VPS13D: variants seen among roughly 807,000 people sequenced by gnomAD.
VPS13D encodes the protein intermembrane lipid transfer protein VPS13D.
A neutral mutation model predicts 461.9 loss-of-function variants in VPS13D; 187 were observed. The observed-to-expected ratio is 0.40, with a 90% CI of 0.36 to 0.46. The LOEUF is 0.46. Among genes scored for constraint, VPS13D ranks in the 20% least tolerant of loss-of-function variants. The pLI, the probability that VPS13D is intolerant of heterozygous loss-of-function variation, is 0.60. For missense variants in VPS13D, 4,711 were observed against 5,364.9 expected (o/e 0.88, Z 3.81); for synonymous variants, 1,951 against 1,986.3 (o/e 0.98, Z 0.47).
At chr1:12,333,165 T>C in intron 37 of VPS13D, 61 bp from the exon 38 acceptor site, 1 of 1,560,244 alleles carries the variant, frequency 6.4e-7, no homozygotes. Flanking sequence ...TTGCGAGCAG[T>C]GTTCCCCTAT....
At chr1:12,310,812 C>CTT (rs1642719764) in intron 27 of VPS13D, among the ~76,000 whole-genome samples, 1 of 130,780 alleles carries the variant, frequency 7.6e-6, no homozygotes, top group Admixed American at 7.7e-5. Context: ...TCCCTCCCTC[C>CTT]CTCCCTCCTT....
intron 12 of VPS13D, 85 bp from the exon 13 acceptor site, chr1:12,261,816 C>A: frequency 8.8e-7 from 1 of 1,138,542 alleles, no homozygotes; most frequent in African/African-American, 1.6e-5. Flanking sequence ...TAAATAACAT[C>A]ATCATAACTG....
At chr1:12,242,441 A>G (rs1640409655) in intron 2 of VPS13D, 72 bp from the exon 3 acceptor site, 7 of 1,382,206 alleles carry the variant, frequency 5.1e-6, no homozygotes, top group South Asian at 2.4e-5. Context: ...TTAACCTTCA[A>G]TGCTTTACAC....
At chr1:12,455,461 T>G (rs1645313201) in intron 65 of VPS13D, among the ~76,000 whole-genome samples, 1 of 152,244 alleles carries the variant, frequency 6.6e-6, no homozygotes, top group Non-Finnish European at 1.5e-5. Context: ...AGTAGTATTC[T>G]GGAAAGTGAA....
At chr1:12,434,626 A>G (rs1348394925) in intron 65 of VPS13D, among the ~76,000 whole-genome samples, 14 of 152,078 alleles carry the variant, frequency 9.2e-5, no homozygotes, top group Non-Finnish European at 2.1e-4. Context: ...AAACTAACTT[A>G]TTTATAGGCC....
At chr1:12,418,493 A>T (rs1251768555) in intron 65 of VPS13D, among the ~76,000 whole-genome samples, 1 of 152,224 alleles carries the variant, frequency 6.6e-6, no homozygotes, top group Non-Finnish European at 1.5e-5. Flanking sequence ...ATTCTAATTG[A>T]CATAAGAAAG....
intron 65 of VPS13D, among the ~76,000 whole-genome samples, chr1:12,434,165 A>G (rs1213872278): frequency 6.6e-6 from 1 of 152,136 alleles, no homozygotes; most frequent in African/African-American, 2.4e-5. Flanking sequence ...GGAATTACAT[A>G]TACTGTGAAA....
rs373098499 is a variant in VPS13D, at chr1:12,491,311, A to G, written c.12663-6189A>G. ...CTACTCACTTACTGATTGTTTTTGA[A>G]CATCACTTGGCTGATAGACATTGGC... On this transcript the variant is annotated intron_variant, in intron 67 of 69. Coordinates refer to ENST00000620676, the MANE Select transcript of VPS13D (RefSeq NM_015378.4). Among the ~76,000 whole-genome samples, 5 of 152,232 alleles carry G rather than the reference A, an allele frequency of 3.3e-5. 1 individual carries two copies. The East Asian group carries it at 5.8e-4, about 18-fold the overall frequency.
Position 12,433,917 on chromosome 1 carries a change from GGAGAGAGAGAGAGTGA to G in VPS13D, c.12333+17104_12333+17119del, listed in dbSNP as rs1422458537. 1.0e-3 allele frequency among the ~76,000 whole-genome samples: 146 copies of G among 143,324 alleles called. 1 individual carries two copies. The highest frequency in any genetic ancestry group is 3.6e-3 in the African/African-American group (136 of 38,148). 94.0% of individuals were successfully genotyped at this position (143,324 alleles called of 152,430 possible). The stretch of plus-strand genomic sequence containing the variant: ...ACAAAGAGGAGGAGGTAGGGGGTGG[GGAGAGAGAGAGAGTGA>G]GAGAGAGAGAGAGAGAGTGTGTGTG... On this transcript the variant is annotated intron_variant, in intron 65 of 69. Coordinates refer to ENST00000620676, the MANE Select transcript of VPS13D (RefSeq NM_015378.4).
At chr1:12,322,389 C>G (rs1024511156) in intron 33 of VPS13D, 147 bp from the exon 34 acceptor site, 2 of 809,880 alleles carry the variant, frequency 2.5e-6, no homozygotes, top group Non-Finnish European at 3.8e-6. Flanking sequence ...TGCTTACTTT[C>G]AAGATCTTTG....
intron 35 of VPS13D, among the ~76,000 whole-genome samples, chr1:12,326,320 GA>G (rs138104115): frequency 1.2e-4 from 14 of 116,716 alleles, no homozygotes; most frequent in African/African-American, 2.7e-4. Flanking sequence ...GAACCTTTTG[GA>G]TTTTTTTTTT....
At chr1:12,343,522 G>T (rs1461889359) in intron 42 of VPS13D, among the ~76,000 whole-genome samples, 2 of 151,720 alleles carry the variant, frequency 1.3e-5, no homozygotes, top group Non-Finnish European at 2.9e-5. Context: ...GTAAATCAGT[G>T]TTTCCTTTTA....
intron 18 of VPS13D, among the ~76,000 whole-genome samples, chr1:12,274,551 A>T (rs1272536162): frequency 6.6e-6 from 1 of 152,118 alleles, no homozygotes; most frequent in Non-Finnish European, 1.5e-5. Context: ...ACCTCAAGCA[A>T]TCTGCCTGTC....
chr1:12,449,190 A>G (rs1185061252), intron 65 of VPS13D, among the ~76,000 whole-genome samples: 3 of 150,966 alleles, frequency 2.0e-5, no homozygotes, highest in Non-Finnish European at 4.4e-5. Flanking sequence ...TTAGGATGTC[A>G]GTCCCAACTT....
At chr1:12,248,078 G>T (rs1415709186) in intron 5 of VPS13D, among the ~76,000 whole-genome samples, 1 of 151,652 alleles carries the variant, frequency 6.6e-6, no homozygotes, top group Non-Finnish European at 1.5e-5. Flanking sequence ...TAATAGAGAC[G>T]GGGTTTCACC....
intron 65 of VPS13D, among the ~76,000 whole-genome samples, chr1:12,422,107 A>G (rs1421007113): frequency 1.3e-5 from 2 of 152,108 alleles, no homozygotes; most frequent in African/African-American, 2.4e-5. Context: ...GAGATTACAC[A>G]CTTGAGCCAC....
chr1:12,282,574 G>GA (rs1375003403), intron 20 of VPS13D, 131 bp from the exon 21 acceptor site: 1 of 886,850 alleles, frequency 1.1e-6, no homozygotes, highest in African/African-American at 1.7e-5. Flanking sequence ...TAAATGAAAA[G>GA]AGATAGTCTT....
chr1:12,270,938 T>C, intron 16 of VPS13D, 56 bp from the exon 17 acceptor site: 2 of 1,598,156 alleles, frequency 1.3e-6, no homozygotes, highest in South Asian at 1.1e-5. Context: ...TGTAGCACTT[T>C]TGTTCACCCA....
intron 66 of VPS13D, among the ~76,000 whole-genome samples, chr1:12,459,857 C>T (rs1439088527): frequency 1.3e-5 from 2 of 152,076 alleles, no homozygotes; most frequent in African/African-American, 4.8e-5. Context: ...TTGATTTAAT[C>T]CTCTATCTGT....
Sources: allele counts gnomAD v4.1 joint callset (sites outside exome capture counted in the v4.1 genomes callset), GRCh38; gene constraint gnomAD v4.1.1; transcripts MANE v1.5; gene names NCBI Gene and HGNC (gene_info 2026-07-23, HGNC 2026-07-21).